The following CDH18 variants were observed in gnomAD, a reference collection of about 807,000 sequenced individuals.
CDH18 encodes the protein cadherin 18.
In CDH18, 31 loss-of-function variants were observed where a neutral mutation model predicts 67.9. The ratio of observed to expected loss-of-function variants is 0.46; its 90% CI spans 0.34 to 0.62. The LOEUF is 0.62. CDH18 is among the 20% of genes least tolerant of loss of function. The pLI, the probability that CDH18 is intolerant of heterozygous loss-of-function variation, is 0.01. For synonymous variants in CDH18, 362 were observed against 347.2 expected, an observed-to-expected ratio of 1.04 and a Z score of -0.48; for missense variants, 890 against 975.5, an observed-to-expected ratio of 0.91 and a Z score of 1.17.
At chr5:20,303,738 T>C (rs1409274605) in intron 1 of CDH18, among the ~76,000 whole-genome samples, 1 of 152,058 alleles carries the variant, frequency 6.6e-6, no homozygotes, top group Non-Finnish European at 1.5e-5. Context: ...GGAAAGCGAA[T>C]TGATACCATG....
chr5:19,686,308 T>C (rs1377412212), intron 5 of CDH18, among the ~76,000 whole-genome samples: 1 of 152,124 alleles, frequency 6.6e-6, no homozygotes, highest in Non-Finnish European at 1.5e-5. Flanking sequence ...AAGTGTTAAA[T>C]GATTTAAAAA....
intron 1 of CDH18, among the ~76,000 whole-genome samples, chr5:20,538,606 T>C (rs957052094): frequency 6.6e-6 from 1 of 152,130 alleles, no homozygotes; most frequent in Non-Finnish European, 1.5e-5. Flanking sequence ...GGCATGCAAC[T>C]ACAACCTGTA....
chr5:20,380,500 A>G (rs563156283), intron 1 of CDH18, among the ~76,000 whole-genome samples: 48 of 152,316 alleles, frequency 3.2e-4, no homozygotes, highest in African/African-American at 1.2e-3. Flanking sequence ...GTACTTAACC[A>G]CGGTTTTTAG....
intron 1 of CDH18, among the ~76,000 whole-genome samples, chr5:20,371,258 G>A (rs957440761): frequency 6.6e-6 from 1 of 152,154 alleles, no homozygotes; most frequent in Non-Finnish European, 1.5e-5. Context: ...TCAGTGGTTA[G>A]AAGAATTTAT....
At chr5:20,098,510 C>G (rs1746180085) in intron 2 of CDH18, among the ~76,000 whole-genome samples, 1 of 152,158 alleles carries the variant, frequency 6.6e-6, no homozygotes, top group Admixed American at 6.5e-5. Context: ...ATCCTGACAA[C>G]CAGCATTCTC....
intron 2 of CDH18, among the ~76,000 whole-genome samples, chr5:20,171,006 C>T (rs1178571719): frequency 6.6e-6 from 1 of 150,810 alleles, no homozygotes; most frequent in African/African-American, 2.4e-5. Flanking sequence ...TGGCCTCTAG[C>T]TGCATTCATG....
chr5:19,839,245 A>G lies in CDH18; in HGVS notation c.-256-3T>C, dbSNP rs1458581232. The G allele has an allele frequency of 2.3e-6, 1 of 428,276 alleles. No individual in the cohort carries two copies. The highest frequency in any genetic ancestry group is 3.9e-5 in the Admixed American group (1 of 25,852). The allele number at this position is 428,276 out of a possible 1,614,324, so 26.5% of individuals were successfully genotyped here. A position where few individuals can be genotyped will look rare whatever the true frequency, so the allele number is the denominator to read the frequency against. ...GAACACAAGCAACCATTTTCAACCT[A>G]ATGGAAAGAGAAAATTATATGTGTT... On this transcript the variant is annotated splice_region_variant and splice_polypyrimidine_tract_variant and intron_variant, in intron 2 of 12. Transcript: ENST00000382275.
At chr5:20,164,375 C>T (rs748104832) in intron 2 of CDH18, among the ~76,000 whole-genome samples, 1 of 152,124 alleles carries the variant, frequency 6.6e-6, no homozygotes, top group Non-Finnish European at 1.5e-5. Flanking sequence ...AACCCTCCAC[C>T]TCCCAGGTTC....
At chr5:20,368,923 T>C (rs1346452469) in intron 1 of CDH18, among the ~76,000 whole-genome samples, 1 of 152,212 alleles carries the variant, frequency 6.6e-6, no homozygotes, top group Non-Finnish European at 1.5e-5. Flanking sequence ...TTTATGACTC[T>C]TTGAATTTTC....
At chr5:19,510,644 G>T (rs1396340951) in intron 10 of CDH18, among the ~76,000 whole-genome samples, 1 of 152,132 alleles carries the variant, frequency 6.6e-6, no homozygotes, top group East Asian at 1.9e-4. Flanking sequence ...TTTTTGATAT[G>T]GTTAGGTTTT....
intron 1 of CDH18, among the ~76,000 whole-genome samples, chr5:20,402,633 T>C (rs1745866762): frequency 6.6e-6 from 1 of 152,040 alleles, no homozygotes; most frequent in African/African-American, 2.4e-5. Context: ...AACGTGGATA[T>C]CTTAACTTAA....
intron 1 of CDH18, among the ~76,000 whole-genome samples, chr5:20,355,424 A>C (rs1370862073): frequency 6.6e-6 from 1 of 152,246 alleles, no homozygotes; most frequent in Admixed American, 6.5e-5. Flanking sequence ...CATAGCCTAT[A>C]GCTAAGTGGA....
intron 1 of CDH18, among the ~76,000 whole-genome samples, chr5:20,503,775 C>T (rs941779435): frequency 2.0e-5 from 3 of 152,104 alleles, no homozygotes; most frequent in African/African-American, 4.8e-5. Context: ...CGGTGGCTCA[C>T]GCCTGTAATG....
intron 2 of CDH18, among the ~76,000 whole-genome samples, chr5:20,060,560 T>C (rs986976729): frequency 1.3e-5 from 2 of 152,180 alleles, no homozygotes; most frequent in African/African-American, 4.8e-5. Flanking sequence ...TGCTATAACA[T>C]TTTTCACACT....
intron 5 of CDH18, among the ~76,000 whole-genome samples, chr5:19,641,773 T>C (rs1754028851): frequency 6.6e-6 from 1 of 151,984 alleles, no homozygotes; most frequent in Admixed American, 6.6e-5. Flanking sequence ...AGAGCTAGGA[T>C]ATCCACTCTC....
chr5:19,522,721 C>T (rs966738283), intron 9 of CDH18, among the ~76,000 whole-genome samples: 7 of 151,924 alleles, frequency 4.6e-5, no homozygotes, highest in Non-Finnish European at 8.8e-5. Flanking sequence ...ATGGAGCAAC[C>T]TCGTCTCTAG....
intron 8 of CDH18, among the ~76,000 whole-genome samples, chr5:19,553,541 T>G (rs1737831773): frequency 6.7e-6 from 1 of 149,904 alleles, no homozygotes; most frequent in African/African-American, 2.5e-5. Context: ...CCCAAGCAGT[T>G]GTTTTGTAAG....
chr5:20,075,884 CA>C (rs201522373), intron 2 of CDH18, among the ~76,000 whole-genome samples: 1,802 of 151,732 alleles, frequency 0.012, 28 homozygotes, highest in African/African-American at 0.041. Flanking sequence ...TTGAGTATTT[CA>C]AAAAAAATCT....
intron 2 of CDH18, among the ~76,000 whole-genome samples, chr5:19,851,169 G>A (rs1262596344): frequency 6.6e-6 from 1 of 151,704 alleles, no homozygotes; most frequent in African/African-American, 2.4e-5. Flanking sequence ...TTGCCATGTT[G>A]TTAATATAAC....
Sources: gnomAD v4.1 joint callset for allele counts (sites outside exome capture counted in the v4.1 genomes callset) on GRCh38, gnomAD v4.1.1 for gene constraint, MANE v1.5 for transcripts, NCBI Gene and HGNC (gene_info 2026-07-23, HGNC 2026-07-21) for gene names.